The following NEK11 variants were observed in gnomAD, a reference collection of about 807,000 sequenced individuals.
The protein encoded by NEK11 is serine/threonine-protein kinase Nek11.
A neutral mutation model predicts 80.7 loss-of-function variants in NEK11; 72 were observed. That is an observed-to-expected ratio of 0.89 (90% confidence interval 0.74 to 1.08). NEK11 has a LOEUF of 1.08. Ranked by LOEUF, NEK11 falls within the 50% of genes least tolerant of loss-of-function variation. The pLI is 0.00. For missense variants in NEK11, 764 were observed against 763.6 expected, an observed-to-expected ratio of 1.00 and a Z score of -0.01; for synonymous variants, 251 against 260.7, an observed-to-expected ratio of 0.96 and a Z score of 0.36.
chr3:131,085,039 T>C (rs2075788028), intron 4 of NEK11, among the ~76,000 whole-genome samples: 1 of 152,232 alleles, frequency 6.6e-6, no homozygotes, highest in Non-Finnish European at 1.5e-5. Context: ...CAAGAGAGTC[T>C]GGCCCTGTAG....
intron 16 of NEK11, among the ~76,000 whole-genome samples, chr3:131,266,108 CTTCT>C (rs1190162051): frequency 1.3e-5 from 2 of 152,036 alleles, no homozygotes; most frequent in African/African-American, 4.8e-5. Flanking sequence ...TCTCTCTTTT[CTTCT>C]TTATTAGTCT....
intron 7 of NEK11, among the ~76,000 whole-genome samples, chr3:131,142,030 A>G (rs1252581789): frequency 6.6e-6 from 1 of 152,192 alleles, no homozygotes; most frequent in Non-Finnish European, 1.5e-5. Flanking sequence ...CCTGAGGACT[A>G]CAGATTAACT....
At chr3:131,116,335 A>G (rs1224688297) in intron 5 of NEK11, among the ~76,000 whole-genome samples, 2 of 152,150 alleles carry the variant, frequency 1.3e-5, no homozygotes, top group Admixed American at 1.3e-4. Context: ...ATAGTATTCC[A>G]TGGTGTATAT....
intron 5 of NEK11, among the ~76,000 whole-genome samples, chr3:131,119,579 C>T (rs1311094775): frequency 6.6e-6 from 1 of 152,156 alleles, no homozygotes; most frequent in African/African-American, 2.4e-5. Context: ...ATGTTAAAGT[C>T]TCCCATTATT....
intron 14 of NEK11, among the ~76,000 whole-genome samples, chr3:131,176,029 C>A (rs1385379865): frequency 6.6e-6 from 1 of 152,110 alleles, no homozygotes; most frequent in Non-Finnish European, 1.5e-5. Context: ...GCTTTGGGGT[C>A]CTTTCCAAGG....
intron 4 of NEK11, among the ~76,000 whole-genome samples, chr3:131,104,195 G>A (rs961259573): frequency 9.9e-5 from 15 of 152,134 alleles, no homozygotes; most frequent in African/African-American, 3.6e-4. Context: ...TGTTGGGGGT[G>A]ATGGGTGGGT....
intron 14 of NEK11, among the ~76,000 whole-genome samples, chr3:131,217,090 G>A (rs924704816): frequency 3.9e-5 from 6 of 152,168 alleles, no homozygotes; most frequent in African/African-American, 9.7e-5. Flanking sequence ...CTAGGACACC[G>A]TGAACACAGT....
intron 17 of NEK11, among the ~76,000 whole-genome samples, chr3:131,334,928 C>G (rs374629892): frequency 3.3e-5 from 5 of 152,246 alleles, no homozygotes; most frequent in East Asian, 3.9e-4. Flanking sequence ...GGAAGAAGTT[C>G]AATCTCTGAA....
intron 4 of NEK11, among the ~76,000 whole-genome samples, chr3:131,109,076 G>A (rs1001664457): frequency 1.3e-5 from 2 of 152,126 alleles, no homozygotes; most frequent in Non-Finnish European, 2.9e-5. Flanking sequence ...TTTTATGTGG[G>A]TGCATATATA....
intron 16 of NEK11, among the ~76,000 whole-genome samples, chr3:131,245,542 A>G (rs1421047593): frequency 2.0e-5 from 3 of 152,072 alleles, no homozygotes; most frequent in Non-Finnish European, 4.4e-5. Context: ...AGGTTGTACA[A>G]ATTTATATTC....
intron 5 of NEK11, among the ~76,000 whole-genome samples, chr3:131,115,992 T>TTCTTTCTTTCTCTTTC (rs1553878713): frequency 8.1e-6 from 1 of 123,218 alleles, no homozygotes; most frequent in Non-Finnish European, 1.8e-5. Flanking sequence ...CTTTCTTTAT[T>TTCTTTCTTTCTCTTTC]ATACTTTAAG....
intron 14 of NEK11, among the ~76,000 whole-genome samples, chr3:131,187,682 A>G (rs928366361): frequency 2.6e-5 from 4 of 152,108 alleles, no homozygotes; most frequent in Non-Finnish European, 5.9e-5. Flanking sequence ...TTTCCACTAA[A>G]TAGAAGAAAT....
In NEK11 at chr3:131,029,870, A is replaced by G. The variant is rs751446391; in HGVS notation, c.162A>G (p.Gly54=). Residue 54 remains glycine, a synonymous_variant, in exon 3 of 18, where the codon GGA becomes GGG. Coordinates refer to ENST00000383366, the MANE Select transcript of NEK11 (RefSeq NM_024800.5). ...TTTCAGACAAGAAAGCCAAACGAGG[A>G]GAGGAATTGTAAGTAAAAATGCTTC... ...YLVSDKKAKR[G]EELKVLKEIS... is the part of the protein sequence containing the mutation. 282 of 1,614,070 alleles carry G rather than the reference A, an allele frequency of 1.7e-4. No individual in the cohort carries two copies. Among genetic ancestry groups the G allele is most frequent in the Non-Finnish European group, 2.3e-4 (271 of 1,180,016 alleles).
At chr3:131,303,686 C>G (rs1487266906) in intron 17 of NEK11, among the ~76,000 whole-genome samples, 1 of 152,120 alleles carries the variant, frequency 6.6e-6, no homozygotes, top group Non-Finnish European at 1.5e-5. Flanking sequence ...CCCCCTATGT[C>G]TTCTGGCTTG....
rs369051074 is a variant in NEK11 at position 131,143,024 on chromosome 3, GA to G, written c.647+9069del. On this transcript the variant is annotated intron_variant, in intron 7 of 17. Coordinates refer to ENST00000383366, the MANE Select transcript of NEK11 (RefSeq NM_024800.5). ...TATATTAGAATATGATAAGAGAAATGAGTTCACTTTTCTTTTTAAATATTCT... is the reference window on the plus strand; with the variant it reads ...TATATTAGAATATGATAAGAGAAATGGTTCACTTTTCTTTTTAAATATTCT... 9.2e-5 allele frequency among the ~76,000 whole-genome samples: 14 copies of G among 152,252 alleles called. No individual in the cohort carries two copies. The East Asian group carries it at 1.5e-3, about 17-fold the overall frequency.
intron 16 of NEK11, among the ~76,000 whole-genome samples, chr3:131,247,864 A>T: frequency 6.7e-6 from 1 of 148,458 alleles, no homozygotes; most frequent in Non-Finnish European, 1.5e-5. Flanking sequence ...TAGCTATTGT[A>T]AATGGAATTG....
intron 14 of NEK11, among the ~76,000 whole-genome samples, chr3:131,193,751 A>G (rs1437000131): frequency 6.6e-6 from 1 of 152,144 alleles, no homozygotes; most frequent in Non-Finnish European, 1.5e-5. Context: ...AGATCTTGAA[A>G]TTGTTGGGGG....
chr3:131,229,105 G>T (rs542228138), intron 15 of NEK11, among the ~76,000 whole-genome samples: 1 of 152,162 alleles, frequency 6.6e-6, no homozygotes, highest in Non-Finnish European at 1.5e-5. Context: ...AATAAAATTT[G>T]TAAAGACTGA....
At chr3:131,116,217 C>T (rs899939610) in intron 5 of NEK11, among the ~76,000 whole-genome samples, 8 of 151,790 alleles carry the variant, frequency 5.3e-5, no homozygotes, top group African/African-American at 1.2e-4. Flanking sequence ...TGAGTGAGAA[C>T]GTGCAGTGTT....
Sources: gnomAD v4.1 joint callset for allele counts (sites outside exome capture counted in the v4.1 genomes callset) on GRCh38, gnomAD v4.1.1 for gene constraint, MANE v1.5 for transcripts, NCBI Gene and HGNC (gene_info 2026-07-23, HGNC 2026-07-21) for gene names.